Variants in WASF3 observed in about 807,000 individuals in gnomAD.
WASF3 encodes the protein WASP family member 3.
In WASF3, 11 loss-of-function variants were observed where a neutral mutation model predicts 46.6. The observed-to-expected ratio is 0.24, with a 90% CI of 0.15 to 0.39. The LOEUF (loss-of-function observed/expected upper bound fraction) is 0.39. WASF3 is among the 10% of genes least tolerant of loss of function. The pLI is 1.00. For synonymous variants in WASF3, 242 were observed against 259.7 expected (o/e 0.93, Z 0.65); for missense variants, 576 against 669.8 (o/e 0.86, Z 1.55).
intron 2 of WASF3, among the ~76,000 whole-genome samples, chr13:26,640,097 T>C (rs1313633656): frequency 6.6e-6 from 1 of 152,024 alleles, no homozygotes. Flanking sequence ...GAGGGCCCTC[T>C]TGGGTGAGCT....
the WASF3 span, among the ~76,000 whole-genome samples, chr13:26,541,189 G>C: frequency 6.6e-6 from 1 of 152,158 alleles, no homozygotes; most frequent in African/African-American, 2.4e-5. Flanking sequence ...ACAAGGCAGA[G>C]ATCCAACTGA....
the WASF3 span, among the ~76,000 whole-genome samples, chr13:26,542,996 T>C: frequency 2.0e-5 from 3 of 152,144 alleles, no homozygotes; most frequent in Admixed American, 2.0e-4. Context: ...GAAGAGGGAG[T>C]ATGTTAAGTA....
At chr13:26,600,984 A>G (rs562343738) in intron 1 of WASF3, among the ~76,000 whole-genome samples, 3 of 152,274 alleles carry the variant, frequency 2.0e-5, no homozygotes, top group Admixed American at 2.0e-4. Flanking sequence ...TTTATAGGTT[A>G]TATAGTAGAT....
chr13:26,685,632 CTTTAA>C, intron 9 of WASF3, 51 bp from the exon 10 acceptor site: 1 of 1,590,158 alleles, frequency 6.3e-7, no homozygotes, highest in Non-Finnish European at 8.6e-7. Flanking sequence ...GTTCGTTTAT[CTTTAA>C]TTTGGAGCCA....
At chr13:26,659,481 G>A (rs1472954920) in intron 3 of WASF3, among the ~76,000 whole-genome samples, 1 of 152,144 alleles carries the variant, frequency 6.6e-6, no homozygotes, top group East Asian at 1.9e-4. Flanking sequence ...GGCATGGAAT[G>A]GATTTGAACA....
At chr13:26,644,978 G>A (rs1057372562) in intron 3 of WASF3, among the ~76,000 whole-genome samples, 5 of 152,154 alleles carry the variant, frequency 3.3e-5, no homozygotes, top group African/African-American at 7.2e-5. Flanking sequence ...CTTCAGGTTC[G>A]TTGAGTGCAT....
chr13:26,559,868 A>G (rs1879241170), intron 1 of WASF3, among the ~76,000 whole-genome samples: 1 of 117,746 alleles, frequency 8.5e-6, no homozygotes, highest in Non-Finnish European at 1.6e-5. Flanking sequence ...CCCAGACTGG[A>G]GTGCAGTGGT....
chr13:26,572,842 C>T (rs538648029), intron 1 of WASF3, among the ~76,000 whole-genome samples: 3 of 152,160 alleles, frequency 2.0e-5, no homozygotes, highest in East Asian at 3.9e-4. Context: ...CGGGAGCCAC[C>T]GCGCCTGGCC....
intron 5 of WASF3, among the ~76,000 whole-genome samples, chr13:26,668,000 A>T (rs909383672): frequency 6.6e-6 from 1 of 152,192 alleles, no homozygotes; most frequent in African/African-American, 2.4e-5. Flanking sequence ...TTGTTTTTAG[A>T]TTCGAAGTCA....
chr13:26,566,464 G>A (rs559890527), intron 1 of WASF3, among the ~76,000 whole-genome samples: 1 of 152,320 alleles, frequency 6.6e-6, no homozygotes, highest in Non-Finnish European at 1.5e-5. Context: ...TCTAGTCTCC[G>A]TGGTCAGTGT....
intron 6 of WASF3, 72 bp downstream of exon 6, chr13:26,672,061 A>G: frequency 8.3e-7 from 1 of 1,204,280 alleles, no homozygotes; most frequent in Non-Finnish European, 1.2e-6. Context: ...ATAGTAAATT[A>G]TTTAAATGGT....
intron 1 of WASF3, among the ~76,000 whole-genome samples, chr13:26,599,305 C>G (rs1410025287): frequency 6.6e-6 from 1 of 151,750 alleles, no homozygotes; most frequent in African/African-American, 2.4e-5. Context: ...GCCTCAGCCT[C>G]TGGTGAAGCT....
intron 1 of WASF3, among the ~76,000 whole-genome samples, chr13:26,569,591 A>G (rs1879572624): frequency 6.6e-6 from 1 of 152,206 alleles, no homozygotes; most frequent in Non-Finnish European, 1.5e-5. Context: ...ATAGCCTTAC[A>G]TGCATGTGTT....
intron 2 of WASF3, among the ~76,000 whole-genome samples, chr13:26,637,531 C>T (rs1881865632): frequency 6.6e-6 from 1 of 152,174 alleles, no homozygotes; most frequent in African/African-American, 2.4e-5. Flanking sequence ...TGCTTTGTAC[C>T]CACTAGGAAG....
intron 1 of WASF3, among the ~76,000 whole-genome samples, chr13:26,569,322 A>T (rs940496673): frequency 1.3e-5 from 2 of 152,174 alleles, no homozygotes; most frequent in Non-Finnish European, 2.9e-5. Flanking sequence ...AGTAGACTGG[A>T]CAGTATCTAT....
At chr13:26,575,691 T>C (rs1373434003) in intron 1 of WASF3, among the ~76,000 whole-genome samples, 3 of 152,234 alleles carry the variant, frequency 2.0e-5, no homozygotes, top group African/African-American at 4.8e-5. Context: ...AGGCTTGATA[T>C]ACAATCCTTT....
intron 3 of WASF3, among the ~76,000 whole-genome samples, chr13:26,643,659 G>C (rs114479828): frequency 0.021 from 3,126 of 152,324 alleles, 109 homozygotes; most frequent in African/African-American, 0.071. Flanking sequence ...TTGTAGGAAT[G>C]CTTTTAGTCT....
the WASF3 span, among the ~76,000 whole-genome samples, chr13:26,550,466 C>T: frequency 6.6e-6 from 1 of 152,164 alleles, no homozygotes; most frequent in South Asian, 2.1e-4. Context: ...TTAAAACTCA[C>T]TGAACATTGG....
intron 2 of WASF3, among the ~76,000 whole-genome samples, chr13:26,631,438 C>G (rs1881649376): frequency 6.6e-6 from 1 of 152,162 alleles, no homozygotes. Flanking sequence ...AATCCTTTCT[C>G]CATTTCTTGT....
Sources: allele counts gnomAD v4.1 joint callset (sites outside exome capture counted in the v4.1 genomes callset), GRCh38; gene constraint gnomAD v4.1.1; transcripts MANE v1.5; gene names NCBI Gene and HGNC (gene_info 2026-07-23, HGNC 2026-07-21).